The following IQSEC1 variants were observed in gnomAD, a reference collection of about 807,000 sequenced individuals.
The protein encoded by IQSEC1 is IQ motif and Sec7 domain ArfGEF 1, also known as IQ motif and SEC7 domain-containing protein 1.
Under a neutral mutation model 91.0 loss-of-function variants are expected in IQSEC1, and 31 were observed. The ratio of observed to expected loss-of-function variants is 0.34; its 90% confidence interval spans 0.26 to 0.46. The LOEUF is 0.46. Ranked by LOEUF, IQSEC1 falls within the 20% of genes least tolerant of loss-of-function variation. IQSEC1 has a pLI of 1.00. For missense variants in IQSEC1, 1,388 were observed against 1,575.6 expected (o/e 0.88, Z 2.02); for synonymous variants, 699 against 662.6 (o/e 1.05, Z -0.84).
chr3:13,160,330 A>C (rs1707153722), intron 2 of IQSEC1, among the ~76,000 whole-genome samples: 1 of 151,928 alleles, frequency 6.6e-6, no homozygotes, highest in Non-Finnish European at 1.5e-5. Flanking sequence ...TAATTTTTTA[A>C]ATTTATTTTT....
At chr3:12,939,230 C>A (rs578038080) in intron 2 of IQSEC1, among the ~76,000 whole-genome samples, 1 of 152,216 alleles carries the variant, frequency 6.6e-6, no homozygotes, top group Non-Finnish European at 1.5e-5. Flanking sequence ...ATAGAGGAGT[C>A]GACCCCGTGG....
In IQSEC1 at chr3:12,967,642, TCCGA is replaced by T; in HGVS notation, c.24-25781_24-25778del. ...CGGCTCCCGCGGCTCCGGCCCCAAGTCCGAGCCCCAGGCCAGCCAAGCCCGCCCC... is the reference window on the plus strand; with the variant it reads ...CGGCTCCCGCGGCTCCGGCCCCAAGTGCCCCAGGCCAGCCAAGCCCGCCCC... On this transcript the variant is annotated intron_variant, in intron 1 of 13. Coordinates refer to ENST00000613206, the MANE Select transcript of IQSEC1 (RefSeq NM_001134382.3). This position sits in a 1 kb window ranked among gnomAD's most constrained non-coding sequence, Gnocchi z 5.9. 8.2e-7 allele frequency: 1 copy of T among 1,215,032 alleles called. No individual in the cohort carries two copies. The highest frequency in any genetic ancestry group is 1.0e-6 in the Non-Finnish European group (1 of 978,024). The allele number at this position is 1,215,032 out of a possible 1,614,324, so 75.3% of individuals were successfully genotyped here.
rs1395892370 is a variant in IQSEC1 at position 12,908,897 on chromosome 3, AG to A, written c.2579-373del. 2.0e-5 allele frequency among the ~76,000 whole-genome samples: 3 copies of A among 151,982 alleles called. No homozygotes were observed. Among genetic ancestry groups the A allele is most frequent in the Non-Finnish European group, 2.9e-5 (2 of 67,958 alleles). Reference sequence around the variant, plus strand: ...GCCTCCAAGGAGTAGACCTGGAGCCAGGGAGTAGACCTGGAGCCAGGGATGG... The same window carrying A: ...GCCTCCAAGGAGTAGACCTGGAGCCAGGAGTAGACCTGGAGCCAGGGATGG... On this transcript the variant is annotated intron_variant, in intron 11 of 13. Coordinates refer to ENST00000613206, the MANE Select transcript of IQSEC1 (RefSeq NM_001134382.3). This position sits in a 1 kb window ranked among gnomAD's most constrained non-coding sequence, Gnocchi z 4.9.
At chr3:13,067,233 A>C (rs1307274940) in intron 1 of IQSEC1, among the ~76,000 whole-genome samples, 1 of 152,146 alleles carries the variant, frequency 6.6e-6, no homozygotes, top group East Asian at 1.9e-4. Context: ...AGAGAACAGG[A>C]GCCATCCAAC....
chr3:13,152,088 T>A (rs1348944833), intron 2 of IQSEC1, among the ~76,000 whole-genome samples: 1 of 152,198 alleles, frequency 6.6e-6, no homozygotes, highest in Non-Finnish European at 1.5e-5. Context: ...TTCCCAAATA[T>A]CTAATTAGCA....
intron 1 of IQSEC1, among the ~76,000 whole-genome samples, chr3:13,195,218 G>A (rs1694104734): frequency 6.6e-6 from 1 of 152,168 alleles, no homozygotes; most frequent in African/African-American, 2.4e-5. Context: ...TACACAGATG[G>A]CAAATAAGCA....
chr3:12,900,014 C>G lies in IQSEC1; in HGVS notation c.*969G>C, dbSNP rs1369694077. On this transcript the variant is annotated 3_prime_UTR_variant, in exon 14 of 14. Transcript: ENST00000613206. ...ACAGTTATCGCAGCCATTAAAGTGT[C>G]TAAGAATCCGTGTAACCAATGTCCT... 2 of 985,254 alleles carry G rather than the reference C, an allele frequency of 2.0e-6. No individual in the cohort carries two copies. The highest frequency in any genetic ancestry group is 2.4e-6 in the Non-Finnish European group (2 of 829,934). 61.0% of individuals were successfully genotyped at this position (985,254 alleles called of 1,614,324 possible).
rs569957617 is a variant in IQSEC1 at position 13,207,324 on chromosome 3, C to T, written c.273-43191G>A. Reference sequence around the variant, plus strand: ...CATGTCGGCAGGTCCTAACAGCTTCCGCTCCAACACCCATCGCCAATCTGC... The same window carrying T: ...CATGTCGGCAGGTCCTAACAGCTTCTGCTCCAACACCCATCGCCAATCTGC... On this transcript the variant is annotated intron_variant, in intron 1 of 15. Transcript: ENST00000648114. This position sits in a 1 kb window ranked among gnomAD's most constrained non-coding sequence, Gnocchi z 4.8. Among the ~76,000 whole-genome samples, 8 of 152,248 alleles carry T rather than the reference C, an allele frequency of 5.3e-5. No individual in the cohort carries two copies. Among genetic ancestry groups the T allele is most frequent in the African/African-American group, 1.9e-4 (8 of 41,518 alleles).
At chr3:13,089,467 C>G (rs2125137553) in intron 2 of IQSEC1, among the ~76,000 whole-genome samples, 1 of 152,044 alleles carries the variant, frequency 6.6e-6, no homozygotes, top group African/African-American at 2.4e-5. Context: ...CACCTGTAGT[C>G]CCAGCTACTT....
At chr3:13,218,350 C>T (rs1237108763) in intron 1 of IQSEC1, among the ~76,000 whole-genome samples, 1 of 152,188 alleles carries the variant, frequency 6.6e-6, no homozygotes, top group Non-Finnish European at 1.5e-5. Context: ...ACAGCAGGTG[C>T]TCATGGAATG....
At chr3:13,030,199 G>A (rs1193491434) in intron 1 of IQSEC1, among the ~76,000 whole-genome samples, 2 of 152,208 alleles carry the variant, frequency 1.3e-5, no homozygotes, top group Non-Finnish European at 1.5e-5. Flanking sequence ...CCAGGTTCAA[G>A]CGATTCTCAT....
At chr3:13,198,334 T>C (rs1694172580) in intron 1 of IQSEC1, among the ~76,000 whole-genome samples, 1 of 152,090 alleles carries the variant, frequency 6.6e-6, no homozygotes, top group Admixed American at 6.5e-5. Context: ...AGAGTAATTC[T>C]GAAGCTTGGG....
intron 12 of IQSEC1, among the ~76,000 whole-genome samples, chr3:12,905,350 G>A (rs746232938): frequency 3.3e-5 from 5 of 152,264 alleles, no homozygotes; most frequent in Non-Finnish European, 5.9e-5. Context: ...CAGGATCCTC[G>A]TCCTGTGACC....
intron 4 of IQSEC1, among the ~76,000 whole-genome samples, chr3:12,923,754 G>A (rs936188355): frequency 6.0e-4 from 92 of 152,236 alleles, no homozygotes; most frequent in Non-Finnish European, 1.1e-3. Context: ...TGCTCCAGGG[G>A]CTGCTGCTCC....
chr3:12,902,709 A>G, intron 13 of IQSEC1, 64 bp downstream of exon 13: 1 of 868,456 alleles, frequency 1.2e-6, no homozygotes, highest in Non-Finnish European at 2.0e-6. Flanking sequence ...GACAACAGAT[A>G]TGAACTGAGG....
intron 1 of IQSEC1, among the ~76,000 whole-genome samples, chr3:12,942,225 C>T (rs371851123): frequency 4.6e-5 from 7 of 152,386 alleles, no homozygotes; most frequent in Admixed American, 3.9e-4. Flanking sequence ...GCCTGGCACA[C>T]AGCAGGTGCT....
chr3:13,169,696 T>C (rs926499191), intron 1 of IQSEC1, among the ~76,000 whole-genome samples: 2 of 152,246 alleles, frequency 1.3e-5, no homozygotes, highest in Non-Finnish European at 2.9e-5. Context: ...GTGACTCTTG[T>C]AATGTTTTAG....
chr3:13,021,205 T>C (rs1703380886), intron 1 of IQSEC1, among the ~76,000 whole-genome samples: 1 of 152,174 alleles, frequency 6.6e-6, no homozygotes, highest in South Asian at 2.1e-4. Context: ...TTGCCTGAGA[T>C]CACAAGGGAC....
chr3:13,025,545 G>T (rs1169452836), intron 1 of IQSEC1, among the ~76,000 whole-genome samples: 6 of 152,170 alleles, frequency 3.9e-5, no homozygotes, highest in Non-Finnish European at 8.8e-5. Flanking sequence ...CTTAGTGAGG[G>T]TCAGTGAGCC....
Sources: gnomAD v4.1 joint callset for allele counts (sites outside exome capture counted in the v4.1 genomes callset) on GRCh38, gnomAD v4.1.1 for gene constraint, Gnocchi (gnomAD v3.1) non-coding constraint, MANE v1.5 for transcripts, NCBI Gene and HGNC (gene_info 2026-07-23, HGNC 2026-07-21) for gene names.